The following AFDN variants were observed in gnomAD, a reference collection of about 807,000 sequenced individuals.
AFDN encodes afadin.
A neutral mutation model predicts 216.6 loss-of-function variants in AFDN; 68 were observed. The observed-to-expected ratio is 0.31, with a 90% confidence interval of 0.26 to 0.38. AFDN has a LOEUF of 0.38. Ranked by LOEUF, AFDN falls within the 10% of genes least tolerant of loss-of-function variation. The pLI is 1.00. For missense variants in AFDN, 2,136 were observed against 2,342.0 expected (o/e 0.91, Z 1.82); for synonymous variants, 868 against 853.7 (o/e 1.02, Z -0.29).
intron 12 of AFDN, among the ~76,000 whole-genome samples, chr6:167,904,739 G>A (rs1287296986): frequency 1.3e-5 from 2 of 152,056 alleles, no homozygotes; most frequent in Non-Finnish European, 1.5e-5. Context: ...GCAGGGGTTC[G>A]TTCCTCTGCC....
chr6:167,969,999 C>A lies in AFDN; in HGVS notation c.*64C>A. On this transcript the variant is annotated 3_prime_UTR_variant, in exon 34 of 34. Coordinates refer to ENST00000683244, the MANE Select transcript of AFDN (RefSeq NM_001386888.1). Reference sequence around the variant, plus strand: ...CTTTTCAGTTGTGGGTTTGTAGGTGCGAGTTTGAAGAGGAAAAGAGGAAGG... The same window carrying A: ...CTTTTCAGTTGTGGGTTTGTAGGTGAGAGTTTGAAGAGGAAAAGAGGAAGG... 1 of 1,382,128 alleles carries A rather than the reference C, an allele frequency of 7.2e-7. No homozygotes were observed. Among genetic ancestry groups the A allele is most frequent in the Non-Finnish European group, 9.8e-7 (1 of 1,019,834 alleles). The allele number at this position is 1,382,128 out of a possible 1,614,324, so 85.6% of individuals were successfully genotyped here.
chr6:167,878,753 T>G (rs1016213895), intron 5 of AFDN, among the ~76,000 whole-genome samples: 11 of 152,300 alleles, frequency 7.2e-5, no homozygotes, highest in African/African-American at 2.2e-4. Context: ...CATCTGCCCC[T>G]TTTCCCCTCG....
chr6:167,901,762 G>A (rs149523216), intron 11 of AFDN, among the ~76,000 whole-genome samples: 1 of 151,748 alleles, frequency 6.6e-6, no homozygotes, highest in East Asian at 1.9e-4. Context: ...AAATAACCTG[G>A]TTTTTTATGT....
rs1241213611 is a variant in AFDN, at chr6:167,898,392, C to T, written c.1505C>T (p.Pro502Leu). ...GASHVFKFVD[P>L]SQDHALAKRS... ...TCCCATGTATTTAAGTTTGTGGACC[C>T]CAGTCAGGATCATGCTCTTGCAAAA... The change falls in exon 11 of 34, where the codon CCC (proline) becomes CTC (leucine). Residue 502 changes from proline to leucine, a missense_variant. Transcript: ENST00000683244. The T allele has an allele frequency of 1.9e-6, 3 of 1,613,992 alleles. No individual in the cohort carries two copies. Among genetic ancestry groups the T allele is most frequent in the Non-Finnish European group, 2.5e-6 (3 of 1,180,038 alleles).
intron 5 of AFDN, 53 bp from the exon 6 acceptor site, chr6:167,880,307 C>G (rs1035511033): frequency 2.1e-5 from 33 of 1,548,084 alleles, no homozygotes; most frequent in Non-Finnish European, 2.7e-5. Flanking sequence ...TTAGCTATCT[C>G]TGTTACTGGC....
intron 23 of AFDN, among the ~76,000 whole-genome samples, chr6:167,928,618 G>A (rs1792872669): frequency 1.3e-5 from 2 of 152,232 alleles, no homozygotes; most frequent in Non-Finnish European, 1.5e-5. Context: ...AGGCACGGGT[G>A]CAGAGCCCTA....
chr6:167,917,295 GAAA>G (rs1791204903), intron 20 of AFDN, 63 bp downstream of exon 20: 2 of 1,379,274 alleles, frequency 1.5e-6, no homozygotes, highest in South Asian at 3.9e-5. Flanking sequence ...ACATTTGGAT[GAAA>G]AAACAAAAGG....
intron 1 of AFDN, among the ~76,000 whole-genome samples, chr6:167,833,785 A>G (rs1780088972): frequency 6.6e-6 from 1 of 152,188 alleles, no homozygotes; most frequent in Admixed American, 6.5e-5. Context: ...GGTCACTCTC[A>G]GACACTATCC....
At chr6:167,929,654 C>T (rs1367338437) in intron 23 of AFDN, among the ~76,000 whole-genome samples, 1 of 152,214 alleles carries the variant, frequency 6.6e-6, no homozygotes, top group Non-Finnish European at 1.5e-5. Context: ...CTCACTCTCC[C>T]ATGCATGGCT....
chr6:167,968,939 A>G, intron 32 of AFDN, 175 bp from the exon 33 acceptor site: 1 of 590,364 alleles, frequency 1.7e-6, no homozygotes, highest in Admixed American at 2.8e-5. Context: ...TACTCAGGCC[A>G]CCAACAGGGA....
intron 23 of AFDN, among the ~76,000 whole-genome samples, chr6:167,936,220 C>T (rs1793984365): frequency 6.6e-6 from 1 of 152,316 alleles, no homozygotes; most frequent in East Asian, 1.9e-4. Context: ...TACTGCCATA[C>T]TGAACAGCAC....
At chr6:167,948,500 A>G (rs747431494) in intron 29 of AFDN, 22 bp downstream of exon 29, 91 of 1,606,392 alleles carry the variant, frequency 5.7e-5, no homozygotes, top group Non-Finnish European at 7.4e-5. Flanking sequence ...AAGATTCCAC[A>G]CACTTTTCTC....
At chr6:167,885,439 T>A (rs1786670920) in intron 6 of AFDN, among the ~76,000 whole-genome samples, 1 of 152,152 alleles carries the variant, frequency 6.6e-6, no homozygotes, top group South Asian at 2.1e-4. Flanking sequence ...TTAGAGGTCA[T>A]TTTAGGGTAT....
chr6:167,872,482 A>G, intron 4 of AFDN, 105 bp downstream of exon 4: 3 of 1,253,852 alleles, frequency 2.4e-6, no homozygotes, highest in Non-Finnish European at 3.4e-6. Flanking sequence ...AAGGATGAGT[A>G]TCAGTCAGGA....
chr6:167,850,697 A>G (rs1782199257), intron 1 of AFDN, among the ~76,000 whole-genome samples: 1 of 152,216 alleles, frequency 6.6e-6, no homozygotes, highest in African/African-American at 2.4e-5. Flanking sequence ...TGAAGATTAT[A>G]AAACATTTTC....
intron 32 of AFDN, chr6:167,966,287 G>A (rs1392239431): frequency 6.7e-7 from 1 of 1,491,778 alleles, no homozygotes; most frequent in Non-Finnish European, 8.9e-7. Flanking sequence ...GTAAAAGAGT[G>A]ACAAATCAGC....
chr6:167,951,240 C>A lies in AFDN; in HGVS notation c.3886C>A (p.Arg1296=). Residue 1296 remains arginine (R), a synonymous_variant, in exon 30 of 34, where the codon CGG becomes AGG. Transcript: ENST00000683244. This position sits in a 1 kb window ranked among gnomAD's most constrained non-coding sequence, Gnocchi z 7.1. ...AGAAGATAAAGCTTACCAACTTGAG[C>A]GGCATCGAATAGAGGCAGCTATGGA... ...LREDKAYQLE[R]HRIEAAMDRK... The A allele has an allele frequency of 6.2e-7, 1 of 1,604,378 alleles. No homozygotes were observed.
intron 2 of AFDN, among the ~76,000 whole-genome samples, chr6:167,867,848 A>G (rs987896417): frequency 1.3e-5 from 2 of 152,226 alleles, no homozygotes; most frequent in African/African-American, 4.8e-5. Flanking sequence ...TACTGTCAAT[A>G]TCATCATTGT....
rs142755393 is a variant in AFDN at position 167,859,567 on chromosome 6, A to G, written c.106-4984A>G. ...AAAGTAAATTGTGCATGGTTGACCT[A>G]TTTAAGTTTTAGAAAGAATGATTCT... On this transcript the variant is annotated intron_variant, in intron 1 of 33. Coordinates refer to ENST00000683244, the MANE Select transcript of AFDN (RefSeq NM_001386888.1). Among the ~76,000 whole-genome samples the G allele has an allele frequency of 3.8e-3, 579 of 152,282 alleles. 2 individuals are homozygous for G. Among genetic ancestry groups the G allele is most frequent in the African/African-American group, 0.013 (544 of 41,556 alleles).
Sources: gnomAD v4.1 joint callset for allele counts (sites outside exome capture counted in the v4.1 genomes callset) on GRCh38, gnomAD v4.1.1 for gene constraint, Gnocchi (gnomAD v3.1) non-coding constraint, MANE v1.5 for transcripts, NCBI Gene and HGNC (gene_info 2026-07-23, HGNC 2026-07-21) for gene names.